ASIC2: variants seen among roughly 807,000 people sequenced by gnomAD.
The protein encoded by ASIC2 is acid-sensing ion channel 2.
In ASIC2, 25 loss-of-function variants were observed where a neutral mutation model predicts 57.3. The ratio of observed to expected loss-of-function variants is 0.44; its 90% CI spans 0.32 to 0.61. The LOEUF is 0.61. Ranked by LOEUF, ASIC2 falls within the 20% of genes least tolerant of loss-of-function variation. The pLI, the probability that ASIC2 is intolerant of heterozygous loss-of-function variation, is 0.06. For synonymous variants in ASIC2, 319 were observed against 307.5 expected (o/e 1.04, Z -0.39); for missense variants, 641 against 738.1 (o/e 0.87, Z 1.52).
chr17:33,206,680 T>C lies in ASIC2; in HGVS notation c.708+84728A>G, dbSNP rs188146581. 5.0e-3 allele frequency among the ~76,000 whole-genome samples: 758 copies of C among 152,106 alleles called. 6 individuals carry two copies. Among genetic ancestry groups the C allele is most frequent in the Non-Finnish European group, 6.6e-3 (448 of 67,966 alleles). Reference sequence around the variant, plus strand: ...ATCCTTCCATGGCCCTGGTCTCTGATTGGGGAAGGGAGGCTCTGAGGGGAT... The same window carrying C: ...ATCCTTCCATGGCCCTGGTCTCTGACTGGGGAAGGGAGGCTCTGAGGGGAT... On this transcript the variant is annotated intron_variant, in intron 1 of 9. Coordinates refer to ENST00000225823, the MANE Select transcript of ASIC2 (RefSeq NM_183377.2).
intron 1 of ASIC2, among the ~76,000 whole-genome samples, chr17:33,832,809 C>T (rs1286748063): frequency 6.6e-6 from 1 of 152,104 alleles, no homozygotes; most frequent in Admixed American, 6.6e-5. Context: ...GAAATACATG[C>T]CAGATAATGC....
chr17:33,044,261 CCCAT>C (rs3052916), intron 3 of ASIC2, among the ~76,000 whole-genome samples: 59,084 of 137,482 alleles, frequency 0.43, 12,833 homozygotes, highest in Admixed American at 0.55. Flanking sequence ...CATCCATCTA[CCCAT>C]CCATCCATCC....
chr17:33,805,984 A>G (rs1662370033), intron 1 of ASIC2, among the ~76,000 whole-genome samples: 1 of 152,174 alleles, frequency 6.6e-6, no homozygotes, highest in Admixed American at 6.5e-5. Context: ...ATTATTCTCT[A>G]TTTAAACACT....
chr17:33,141,839 T>C (rs748793950), intron 1 of ASIC2, among the ~76,000 whole-genome samples: 6 of 152,234 alleles, frequency 3.9e-5, no homozygotes, highest in African/African-American at 1.4e-4. Context: ...CTTACCCTCA[T>C]GAAACCTCAG....
chr17:34,054,848 T>A (rs1374164192), intron 1 of ASIC2, among the ~76,000 whole-genome samples: 3 of 152,216 alleles, frequency 2.0e-5, no homozygotes, highest in African/African-American at 4.8e-5. Flanking sequence ...AGAGACATTA[T>A]GCATGCCTTC....
chr17:33,091,540 G>C (rs1351053531), intron 2 of ASIC2, among the ~76,000 whole-genome samples: 1 of 152,072 alleles, frequency 6.6e-6, no homozygotes, highest in Non-Finnish European at 1.5e-5. Context: ...CAGGAGAAAT[G>C]AGAAATGAAG....
intron 1 of ASIC2, among the ~76,000 whole-genome samples, chr17:33,371,475 G>T (rs1909057094): frequency 6.6e-6 from 1 of 152,236 alleles, no homozygotes; most frequent in East Asian, 1.9e-4. Flanking sequence ...AAATAATTGA[G>T]CTCTTTGAGG....
intron 1 of ASIC2, among the ~76,000 whole-genome samples, chr17:33,481,264 C>T (rs561156207): frequency 2.6e-5 from 4 of 152,306 alleles, no homozygotes; most frequent in Middle Eastern, 3.4e-3. Flanking sequence ...CTTTTTCTCA[C>T]GCGTGCTTAC....
chr17:33,184,188 A>C (rs1175037412), intron 1 of ASIC2, among the ~76,000 whole-genome samples: 3 of 152,170 alleles, frequency 2.0e-5, no homozygotes, highest in Non-Finnish European at 4.4e-5. Flanking sequence ...CTATTTAGGG[A>C]CTCAGATGGT....
chr17:33,556,298 C>T (rs1597783244), intron 1 of ASIC2, among the ~76,000 whole-genome samples: 1 of 152,108 alleles, frequency 6.6e-6, no homozygotes, highest in East Asian at 1.9e-4. Flanking sequence ...ACTGGAGTTC[C>T]TAGAGGGGCC....
At chr17:33,161,857 GTTTTTTTTTTTTT>G (rs199823485) in intron 1 of ASIC2, among the ~76,000 whole-genome samples, 33,543 of 95,314 alleles carry the variant, frequency 0.35, 4,605 homozygotes, top group East Asian at 0.49. Context: ...GAATTCCTAG[GTTTTTTTTTTTTT>G]TTTTTTTTTT....
chr17:33,237,813 G>A (rs1434362380), intron 1 of ASIC2, among the ~76,000 whole-genome samples: 2 of 152,182 alleles, frequency 1.3e-5, no homozygotes, highest in African/African-American at 4.8e-5. Context: ...TATTGCTAAT[G>A]CTAACTGACA....
chr17:33,886,371 A>ACAGAAATCGGAT (rs1373032149), intron 1 of ASIC2, among the ~76,000 whole-genome samples: 1 of 152,154 alleles, frequency 6.6e-6, no homozygotes. Context: ...TCGTAAAGGA[A>ACAGAAATCGGAT]CAGAAATCGG....
At chr17:33,452,978 C>T (rs899739587) in intron 1 of ASIC2, among the ~76,000 whole-genome samples, 1 of 152,050 alleles carries the variant, frequency 6.6e-6, no homozygotes, top group African/African-American at 2.4e-5. Flanking sequence ...AATGACAGGG[C>T]CTTAGTGTTT....
At chr17:33,955,906 A>G (rs938977397) in intron 1 of ASIC2, among the ~76,000 whole-genome samples, 1 of 152,090 alleles carries the variant, frequency 6.6e-6, no homozygotes, top group Non-Finnish European at 1.5e-5. Context: ...ATGAATTTAC[A>G]CCTAGTTAAA....
chr17:33,971,485 G>A (rs1487365657), intron 1 of ASIC2, among the ~76,000 whole-genome samples: 1 of 152,196 alleles, frequency 6.6e-6, no homozygotes, highest in Admixed American at 6.5e-5. Context: ...GAAAGTGACA[G>A]TTTGTGAATC....
intron 1 of ASIC2, among the ~76,000 whole-genome samples, chr17:34,094,249 C>T (rs1391168656): frequency 2.0e-5 from 3 of 152,046 alleles, no homozygotes; most frequent in Non-Finnish European, 4.4e-5. Flanking sequence ...TTCCACTGGC[C>T]CTTACTAATC....
chr17:33,561,511 T>C (rs1194548675), intron 1 of ASIC2, among the ~76,000 whole-genome samples: 1 of 152,194 alleles, frequency 6.6e-6, no homozygotes, highest in Middle Eastern at 3.2e-3. Context: ...GCTTCGGTGA[T>C]AGAAACAGAA....
chr17:34,081,326 T>C (rs971025697), intron 1 of ASIC2, among the ~76,000 whole-genome samples: 2 of 152,162 alleles, frequency 1.3e-5, no homozygotes, highest in African/African-American at 4.8e-5. Context: ...GATATCTACT[T>C]TGCTAGGCAC....
Sources: gnomAD v4.1 joint callset for allele counts (sites outside exome capture counted in the v4.1 genomes callset) on GRCh38, gnomAD v4.1.1 for gene constraint, MANE v1.5 for transcripts, NCBI Gene and HGNC (gene_info 2026-07-23, HGNC 2026-07-21) for gene names.